The following DLGAP4 variants were observed in gnomAD, a reference collection of about 807,000 sequenced individuals.
The protein encoded by DLGAP4 is DLG associated protein 4.
A neutral mutation model predicts 86.9 loss-of-function variants in DLGAP4; 18 were observed. That is an observed-to-expected ratio of 0.21 (90% CI 0.14 to 0.31). DLGAP4 has a LOEUF of 0.31. Ranked by LOEUF, DLGAP4 falls within the 10% of genes least tolerant of loss-of-function variation. DLGAP4 has a pLI of 1.00. For synonymous variants in DLGAP4, 548 were observed against 574.3 expected, an observed-to-expected ratio of 0.95 and a Z score of 0.65; for missense variants, 1,085 against 1,362.6, an observed-to-expected ratio of 0.80 and a Z score of 3.21.
At chr20:36,501,887 G>T (rs2036158866) in intron 10 of DLGAP4, among the ~76,000 whole-genome samples, 1 of 152,102 alleles carries the variant, frequency 6.6e-6, no homozygotes, top group Non-Finnish European at 1.5e-5. Context: ...TACAATAATA[G>T]TATTTTAAAA....
intron 1 of DLGAP4, among the ~76,000 whole-genome samples, chr20:36,337,936 C>G (rs1397335323): frequency 6.6e-6 from 1 of 152,168 alleles, no homozygotes; most frequent in Non-Finnish European, 1.5e-5. Flanking sequence ...GGGAATGGGG[C>G]TTGGCCTGTG....
intron 10 of DLGAP4, among the ~76,000 whole-genome samples, chr20:36,520,108 G>A (rs528340943): frequency 7.1e-4 from 108 of 152,198 alleles, no homozygotes; most frequent in African/African-American, 2.5e-3. Context: ...TGGGTATGAA[G>A]TATCATTATG....
intron 1 of DLGAP4, among the ~76,000 whole-genome samples, chr20:36,356,675 TA>T (rs781791220): frequency 0.03 from 3,814 of 128,488 alleles, 39 homozygotes; most frequent in Middle Eastern, 0.045. Flanking sequence ...CCTGTTTTTG[TA>T]AAAAAAAAAA....
chr20:36,366,067 C>A (rs576378876), intron 1 of DLGAP4, among the ~76,000 whole-genome samples: 2 of 152,188 alleles, frequency 1.3e-5, no homozygotes, highest in East Asian at 1.9e-4. Context: ...AATAGAGGGG[C>A]CTTTTTCTTC....
rs761824309 is a variant in DLGAP4 at position 36,526,831 on chromosome 20, C to G, written c.2779C>G (p.Pro927Ala). The change falls in exon 13 of 13, where the codon CCT (proline) becomes GCT (alanine). Residue 927 changes from proline to alanine, a missense_variant. By Grantham distance (27) the Pro-to-Ala change is conservative. This residue lies in a region of DLGAP4 where 1,082 missense variants were observed against 1,344.1 expected (regional missense o/e 0.81). Transcript: ENST00000339266. The stretch of plus-strand genomic sequence containing the variant: ...ACTAAAGGAAGAGAAGAAACCACCC[C>G]CTCCGGTCCCAAAGAAGCCAGCCAA... The part of the protein sequence containing the change: ...EKRKEEKKPP[P>A]PVPKKPAKSK... The G allele has an allele frequency of 1.5e-5, 24 of 1,608,026 alleles. No individual in the cohort carries two copies. Among genetic ancestry groups the G allele is most frequent in the Admixed American group, 1.7e-5 (1 of 58,684 alleles).
chr20:36,379,106 T>C (rs2031273728), intron 2 of DLGAP4, among the ~76,000 whole-genome samples: 1 of 152,052 alleles, frequency 6.6e-6, no homozygotes, highest in Admixed American at 6.5e-5. Flanking sequence ...TGGTAGTGAG[T>C]ACCTTCCAGA....
chr20:36,422,239 C>A (rs1600508975), intron 2 of DLGAP4, among the ~76,000 whole-genome samples: 1 of 152,150 alleles, frequency 6.6e-6, no homozygotes, highest in East Asian at 1.9e-4. Context: ...ATGTACACCC[C>A]CAGAATGTTC....
chr20:36,519,091 C>T (rs941046437), intron 10 of DLGAP4, among the ~76,000 whole-genome samples: 1 of 150,594 alleles, frequency 6.6e-6, no homozygotes, highest in South Asian at 2.1e-4. Flanking sequence ...CACACCAGCC[C>T]GGGCAACAGT....
chr20:36,522,608 G>A (rs1369977346), intron 10 of DLGAP4, among the ~76,000 whole-genome samples: 1 of 152,168 alleles, frequency 6.6e-6, no homozygotes, highest in Non-Finnish European at 1.5e-5. Context: ...TGCAACCTCC[G>A]CCTCCCAGGT....
chr20:36,509,644 G>A (rs2036577653), intron 10 of DLGAP4, among the ~76,000 whole-genome samples: 1 of 152,088 alleles, frequency 6.6e-6, no homozygotes, highest in African/African-American at 2.4e-5. Flanking sequence ...CAGTTACTCA[G>A]GAGACTAAGG....
intron 7 of DLGAP4, among the ~76,000 whole-genome samples, chr20:36,482,322 T>C (rs922249445): frequency 6.6e-6 from 1 of 152,216 alleles, no homozygotes; most frequent in African/African-American, 2.4e-5. Flanking sequence ...ACACAGCCTA[T>C]GACAGTTGGT....
Position 36,486,816 on chromosome 20 carries a change from T to C in DLGAP4, c.1649-9889T>C, listed in dbSNP as rs1018749416. Among the ~76,000 whole-genome samples, 53 of 152,048 alleles carry C rather than the reference T, an allele frequency of 3.5e-4. 1 individual carries two copies. Among genetic ancestry groups the C allele is most frequent in the Middle Eastern group, 3.4e-3 (1 of 294 alleles). On this transcript the variant is annotated intron_variant, in intron 7 of 12. Transcript: ENST00000339266. ...TAGTAGAGGCGGGGTTTCACCATGT[T>C]GGCCAGGCTGGTCTCAAACTCCTGA...
At chr20:36,492,986 C>T (rs2035731734) in intron 7 of DLGAP4, 1 of 152,108 alleles carries the variant, frequency 6.6e-6, no homozygotes. Context: ...AGAGAACCAG[C>T]CCAGACTCCC....
intron 1 of DLGAP4, among the ~76,000 whole-genome samples, chr20:36,357,084 C>G (rs2030354588): frequency 6.6e-6 from 1 of 152,152 alleles, no homozygotes; most frequent in Non-Finnish European, 1.5e-5. Context: ...TTTGACGAAG[C>G]CTCCATTGCT....
At chr20:36,510,138 G>A (rs1387631175) in intron 10 of DLGAP4, among the ~76,000 whole-genome samples, 2 of 151,470 alleles carry the variant, frequency 1.3e-5, no homozygotes, top group East Asian at 4.0e-4. Flanking sequence ...CGCCTGGCCT[G>A]AAGTCTCTTT....
At chr20:36,318,102 C>T (rs1385823294) in intron 1 of DLGAP4, among the ~76,000 whole-genome samples, 1 of 117,132 alleles carries the variant, frequency 8.5e-6, no homozygotes, top group African/African-American at 3.7e-5. Flanking sequence ...ATAAATGTGT[C>T]CTCTCACACA....
chr20:36,380,641 GAGAGAGAGAGAGAGAGA>G (rs2031351746), intron 2 of DLGAP4, among the ~76,000 whole-genome samples: 1 of 88,820 alleles, frequency 1.1e-5, no homozygotes, highest in African/African-American at 4.2e-5. Flanking sequence ...GAGAGAGAGA[GAGAGAGAGAGAGAGAGA>G]GAGAGAATCT....
intron 7 of DLGAP4, among the ~76,000 whole-genome samples, chr20:36,494,962 A>T (rs80074998): frequency 6.9e-6 from 1 of 144,968 alleles, no homozygotes; most frequent in East Asian, 2.1e-4. Context: ...AAAGTAAAAA[A>T]GTGGTTTTTT....
At chr20:36,488,877 A>T (rs1017948941) in intron 7 of DLGAP4, among the ~76,000 whole-genome samples, 7 of 152,182 alleles carry the variant, frequency 4.6e-5, no homozygotes, top group African/African-American at 1.2e-4. Context: ...CAGCTGAAAG[A>T]TTCTTTACTT....
Sources: gnomAD v4.1 joint callset for allele counts (sites outside exome capture counted in the v4.1 genomes callset) on GRCh38, gnomAD v4.1.1 for gene constraint, gnomAD v4.1.1 regional missense constraint, MANE v1.5 for transcripts, NCBI Gene and HGNC (gene_info 2026-07-23, HGNC 2026-07-21) for gene names.